RABGAP1L: variants seen among roughly 807,000 people sequenced by gnomAD.
RABGAP1L encodes rab GTPase-activating protein 1-like.
RABGAP1L carries 63 observed loss-of-function variants against 137.7 expected under a neutral mutation model. That is an observed-to-expected ratio of 0.46 (90% confidence interval 0.37 to 0.56). The LOEUF is 0.56. Among genes scored for constraint, RABGAP1L ranks in the 20% least tolerant of loss-of-function variants. RABGAP1L has a pLI of 0.00. For missense variants in RABGAP1L, 1,095 were observed against 1,244.0 expected (o/e 0.88, Z 1.80); for synonymous variants, 431 against 433.7 (o/e 0.99, Z 0.08).
intron 15 of RABGAP1L, among the ~76,000 whole-genome samples, chr1:174,687,753 T>G (rs1340340350): frequency 6.6e-6 from 1 of 152,206 alleles, no homozygotes; most frequent in Non-Finnish European, 1.5e-5. Flanking sequence ...AGCTCCATAT[T>G]AATCACTGTG....
chr1:174,786,948 C>T (rs1573192886), intron 18 of RABGAP1L, among the ~76,000 whole-genome samples: 1 of 151,958 alleles, frequency 6.6e-6, no homozygotes, highest in Non-Finnish European at 1.5e-5. Flanking sequence ...ACTAGAGGTG[C>T]GAAAATGAAT....
At chr1:174,595,625 C>T (rs1025384411) in intron 13 of RABGAP1L, among the ~76,000 whole-genome samples, 8 of 150,084 alleles carry the variant, frequency 5.3e-5, no homozygotes, top group African/African-American at 7.4e-5. Context: ...TGTGAGGTGT[C>T]AGTGTGCCCC....
At chr1:174,609,156 A>G (rs893237864) in intron 13 of RABGAP1L, among the ~76,000 whole-genome samples, 1 of 152,174 alleles carries the variant, frequency 6.6e-6, no homozygotes, top group Non-Finnish European at 1.5e-5. Flanking sequence ...TGGAAAAATG[A>G]AAGAGTTTTT....
At chr1:174,466,524 C>T (rs571062635) in intron 13 of RABGAP1L, among the ~76,000 whole-genome samples, 5 of 152,162 alleles carry the variant, frequency 3.3e-5, no homozygotes, top group East Asian at 3.9e-4. Flanking sequence ...TGGTGGCTCA[C>T]GCCTGTAATC....
intron 11 of RABGAP1L, among the ~76,000 whole-genome samples, chr1:174,354,128 A>G (rs535437901): frequency 1.3e-5 from 2 of 152,202 alleles, no homozygotes; most frequent in African/African-American, 4.8e-5. Context: ...CCAGTTAGAG[A>G]TGGGCTCTAA....
At chr1:174,470,602 A>C (rs1657805521) in intron 13 of RABGAP1L, among the ~76,000 whole-genome samples, 1 of 152,078 alleles carries the variant, frequency 6.6e-6, no homozygotes, top group African/African-American at 2.4e-5. Flanking sequence ...CCCCGTCTCT[A>C]CTAAAAGTAC....
At chr1:174,854,715 C>CTTTTTTTTTTTTTTTT (rs71117584) in intron 19 of RABGAP1L, among the ~76,000 whole-genome samples, 7 of 56,866 alleles carry the variant, frequency 1.2e-4, no homozygotes, top group East Asian at 3.0e-4. Context: ...AATATAAATG[C>CTTTTTTTTTTTTTTTT]TTTTTTTTTT....
At chr1:174,282,335 G>C (rs1481178982) in intron 10 of RABGAP1L, among the ~76,000 whole-genome samples, 2 of 152,058 alleles carry the variant, frequency 1.3e-5, no homozygotes, top group African/African-American at 4.8e-5. Context: ...CTATTCTTAG[G>C]GGTGTGTAGA....
At chr1:174,549,979 C>T (rs1666302323) in intron 13 of RABGAP1L, among the ~76,000 whole-genome samples, 1 of 151,900 alleles carries the variant, frequency 6.6e-6, no homozygotes, top group Admixed American at 6.5e-5. Flanking sequence ...CTGCAGTGCA[C>T]TGTGATCATA....
intron 1 of RABGAP1L, among the ~76,000 whole-genome samples, chr1:174,196,955 C>A (rs531867709): frequency 6.6e-6 from 1 of 151,988 alleles, no homozygotes; most frequent in African/African-American, 2.4e-5. Context: ...TGTTTTATAA[C>A]AAAGGTAGAT....
chr1:174,486,540 G>A (rs1049121192), intron 13 of RABGAP1L, among the ~76,000 whole-genome samples: 3 of 151,704 alleles, frequency 2.0e-5, no homozygotes, highest in African/African-American at 7.3e-5. Flanking sequence ...TAGAGACACG[G>A]TTTCACTGTG....
At position 174,278,675 on chromosome 1, in the gene RABGAP1L, C is replaced by A. The variant is rs771271038; in HGVS notation, c.1219C>A (p.Arg407Ser). 1 of 1,613,284 alleles carries A rather than the reference C, an allele frequency of 6.2e-7. No homozygotes were observed. The highest frequency in any genetic ancestry group is 1.3e-5 in the African/African-American group (1 of 74,948). Residue 407 changes from arginine to serine, a missense_variant, in exon 10 of 26, where the codon CGC becomes AGC. Arg to Ser is a moderately radical substitution (Grantham distance 110). Around this residue, in one of 4 missense-constraint regions of RABGAP1L, gnomAD observed 315 missense variants for 324.8 expected, o/e 0.97. Coordinates refer to ENST00000681986, the MANE Select transcript of RABGAP1L (RefSeq NM_001366446.1). ...AGTCACAGAGGTGGTGGAGCCTGTT[C>A]GCTTTCTCCTGGAGACAGTAGTCCG... ...MVVTEVVEPV[R>S]FLLETVVRVY...
chr1:174,469,924 G>T (rs1272554994), intron 13 of RABGAP1L, among the ~76,000 whole-genome samples: 2 of 151,934 alleles, frequency 1.3e-5, no homozygotes, highest in African/African-American at 4.8e-5. Flanking sequence ...GGGGAACTAG[G>T]CACTGTAGAG....
intron 14 of RABGAP1L, among the ~76,000 whole-genome samples, chr1:174,645,602 C>T (rs1247494464): frequency 6.6e-6 from 1 of 152,118 alleles, no homozygotes; most frequent in Non-Finnish European, 1.5e-5. Flanking sequence ...GCCACATTTT[C>T]TTTATCCAGT....
chr1:174,622,142 A>T (rs1672549974), intron 13 of RABGAP1L, among the ~76,000 whole-genome samples: 3 of 152,232 alleles, frequency 2.0e-5, no homozygotes, highest in Admixed American at 2.0e-4. Context: ...TGCAAATCAA[A>T]ACCACAATGA....
chr1:174,445,842 A>G (rs1363111126), intron 13 of RABGAP1L, among the ~76,000 whole-genome samples: 1 of 152,214 alleles, frequency 6.6e-6, no homozygotes, highest in Non-Finnish European at 1.5e-5. Context: ...ATCTTTACAA[A>G]TGCTATAAGG....
intron 1 of RABGAP1L, among the ~76,000 whole-genome samples, chr1:174,174,244 G>A (rs1665656292): frequency 6.7e-6 from 1 of 149,274 alleles, no homozygotes; most frequent in Non-Finnish European, 1.5e-5. Context: ...AACTGAATAA[G>A]TCATAGATAA....
intron 19 of RABGAP1L, among the ~76,000 whole-genome samples, chr1:174,895,673 A>G (rs1657028531): frequency 6.6e-6 from 1 of 150,776 alleles, no homozygotes; most frequent in African/African-American, 2.4e-5. Flanking sequence ...GTTCCCACCT[A>G]TGAGTGAGAA....
chr1:174,696,089 C>T (rs1679237131), intron 15 of RABGAP1L, among the ~76,000 whole-genome samples: 1 of 152,072 alleles, frequency 6.6e-6, no homozygotes, highest in Non-Finnish European at 1.5e-5. Flanking sequence ...TACCTGACGA[C>T]TACTGCCTGG....
Sources: allele counts gnomAD v4.1 joint callset (sites outside exome capture counted in the v4.1 genomes callset), GRCh38; gene constraint gnomAD v4.1.1; regional missense constraint gnomAD v4.1.1; transcripts MANE v1.5; gene names NCBI Gene and HGNC (gene_info 2026-07-23, HGNC 2026-07-21).